SEL1L3: variants seen among roughly 807,000 people sequenced by gnomAD.
The protein encoded by SEL1L3 is SEL1L family member 3, also known as protein sel-1 homolog 3.
SEL1L3 carries 76 observed loss-of-function variants against 142.8 expected under a neutral mutation model. The observed-to-expected ratio is 0.53, with a 90% CI of 0.44 to 0.64. The LOEUF (loss-of-function observed/expected upper bound fraction) is 0.64, where lower values mean the gene tolerates loss of function less well. Among genes scored for constraint, SEL1L3 ranks in the 30% least tolerant of loss-of-function variants. The pLI is 0.00. For synonymous variants in SEL1L3, 504 were observed against 519.6 expected, an observed-to-expected ratio of 0.97 and a Z score of 0.41; for missense variants, 1,262 against 1,381.7, an observed-to-expected ratio of 0.91 and a Z score of 1.37.
At chr4:25,727,781 G>A in the SEL1L3 span, among the ~76,000 whole-genome samples, 13 of 152,160 alleles carry the variant, frequency 8.5e-5, no homozygotes, top group Non-Finnish European at 1.8e-4. Context: ...AGGACACCTG[G>A]GGTGCATCCC....
intron 1 of SEL1L3, among the ~76,000 whole-genome samples, chr4:25,848,983 A>G (rs1716717069): frequency 6.6e-6 from 1 of 152,184 alleles, no homozygotes; most frequent in Non-Finnish European, 1.5e-5. Flanking sequence ...TACTAATAAT[A>G]CAAAAATCAG....
At chr4:25,752,859 G>T (rs1409609987) in intron 23 of SEL1L3, among the ~76,000 whole-genome samples, 2 of 152,246 alleles carry the variant, frequency 1.3e-5, no homozygotes, top group African/African-American at 4.8e-5. Flanking sequence ...GATCTTAGGT[G>T]ATCTGCCTGC....
At chr4:25,751,355 G>A (rs1717576092) in intron 23 of SEL1L3, among the ~76,000 whole-genome samples, 1 of 152,120 alleles carries the variant, frequency 6.6e-6, no homozygotes, top group African/African-American at 2.4e-5. Flanking sequence ...TGAAGACTTG[G>A]GAGAAGAAGG....
chr4:25,825,666 ATTTTTTTTTTTTT>A (rs33997941), intron 6 of SEL1L3, among the ~76,000 whole-genome samples: 1 of 74,026 alleles, frequency 1.4e-5, no homozygotes, highest in Non-Finnish European at 2.5e-5. Context: ...TCTAAATTCT[ATTTTTTTTTTTTT>A]TTTTTTTTTT....
intron 9 of SEL1L3, among the ~76,000 whole-genome samples, chr4:25,806,283 C>T (rs777099359): frequency 6.6e-6 from 1 of 151,484 alleles, no homozygotes; most frequent in Non-Finnish European, 1.5e-5. Flanking sequence ...GTGATCCGCC[C>T]GCCTAGGCCT....
At chr4:25,723,060 G>A in the SEL1L3 span, among the ~76,000 whole-genome samples, 2 of 152,140 alleles carry the variant, frequency 1.3e-5, no homozygotes, top group African/African-American at 2.4e-5. Context: ...TGTGGGCAGA[G>A]CCTTCAGCAG....
At chr4:25,731,017 C>G in the SEL1L3 span, among the ~76,000 whole-genome samples, 1 of 152,212 alleles carries the variant, frequency 6.6e-6, no homozygotes, top group Non-Finnish European at 1.5e-5. Flanking sequence ...AGCAACAGAG[C>G]GAGACTCTGT....
chr4:25,849,088 A>C (rs1577695204), intron 1 of SEL1L3, among the ~76,000 whole-genome samples: 1 of 152,156 alleles, frequency 6.6e-6, no homozygotes, highest in Non-Finnish European at 1.5e-5. Flanking sequence ...GCAGTGAGCC[A>C]AGATCACACC....
At chr4:25,740,964 T>C in the SEL1L3 span, among the ~76,000 whole-genome samples, 1 of 151,878 alleles carries the variant, frequency 6.6e-6, no homozygotes, top group South Asian at 2.1e-4. Context: ...TTTGTGTTTT[T>C]AGTGGAGATG....
the SEL1L3 span, among the ~76,000 whole-genome samples, chr4:25,735,277 T>G: frequency 6.6e-6 from 1 of 151,814 alleles, no homozygotes; most frequent in East Asian, 1.9e-4. Flanking sequence ...ACTCCTAGGT[T>G]CAAGCAATCC....
At chr4:25,787,509 G>A (rs1481869555) in intron 13 of SEL1L3, among the ~76,000 whole-genome samples, 2 of 152,126 alleles carry the variant, frequency 1.3e-5, no homozygotes, top group Non-Finnish European at 2.9e-5. Context: ...TAGTAGAGAC[G>A]GGGTTTCACC....
rs375716082 is a variant in SEL1L3 at position 25,757,764 on chromosome 4, G to T, written c.3110C>A (p.Ser1037Tyr). 6.3e-7 allele frequency: 1 copy of T among 1,589,492 alleles called. No homozygotes were observed. The change falls in exon 22 of 24, where the codon TCC (serine) becomes TAC (tyrosine). Residue 1037 changes from serine to tyrosine, a missense_variant. By Grantham distance (144) the Ser-to-Tyr change is moderately radical. Transcript: ENST00000399878. ...ERCWSHSNEE[S>Y]FSPCSLAWLY... ...CCAGGCCAAGGAGCAGGGGCTGAAG[G>T]ACTCCTCGTTACTGTGGCTCCAGCA...
intron 16 of SEL1L3, among the ~76,000 whole-genome samples, chr4:25,778,567 C>A (rs1471743649): frequency 6.6e-6 from 1 of 151,960 alleles, no homozygotes; most frequent in Non-Finnish European, 1.5e-5. Context: ...TAATGTAAAC[C>A]CTGATACTAA....
chr4:25,725,114 C>G, the SEL1L3 span, among the ~76,000 whole-genome samples: 1 of 152,114 alleles, frequency 6.6e-6, no homozygotes, highest in Non-Finnish European at 1.5e-5. Context: ...TGCTAGGATC[C>G]CTGCTTACAG....
chr4:25,809,268 G>A (rs1210275851), intron 9 of SEL1L3, among the ~76,000 whole-genome samples: 2 of 150,674 alleles, frequency 1.3e-5, no homozygotes, highest in South Asian at 2.1e-4. Flanking sequence ...CTCAGTTCCC[G>A]AGTAGCTGGG....
chr4:25,784,844 A>G (rs886901309), intron 13 of SEL1L3, among the ~76,000 whole-genome samples: 1 of 152,218 alleles, frequency 6.6e-6, no homozygotes, highest in Admixed American at 6.5e-5. Flanking sequence ...TCTTCCAGCA[A>G]AATCAAGATT....
intron 14 of SEL1L3, 65 bp downstream of exon 14, chr4:25,784,163 G>A: frequency 7.5e-7 from 1 of 1,328,104 alleles, no homozygotes; most frequent in Non-Finnish European, 1.1e-6. Context: ...TCCTCTTTTA[G>A]ACGTGCGAGA....
chr4:25,798,839 AAAAG>A (rs1274725295), intron 11 of SEL1L3, among the ~76,000 whole-genome samples: 2 of 152,244 alleles, frequency 1.3e-5, no homozygotes, highest in South Asian at 4.1e-4. Flanking sequence ...AAAAAAAGAA[AAAAG>A]AAAGAAAGAA....
intron 11 of SEL1L3, among the ~76,000 whole-genome samples, chr4:25,800,409 A>T (rs908534048): frequency 6.6e-6 from 1 of 152,220 alleles, no homozygotes; most frequent in South Asian, 2.1e-4. Context: ...TGCAAGACGG[A>T]TCTTTTCTAT....
Sources: gnomAD v4.1 joint callset for allele counts (sites outside exome capture counted in the v4.1 genomes callset) on GRCh38, gnomAD v4.1.1 for gene constraint, MANE v1.5 for transcripts, NCBI Gene and HGNC (gene_info 2026-07-23, HGNC 2026-07-21) for gene names.